The following CC2D2A variants were observed in gnomAD, a reference collection of about 807,000 sequenced individuals.
The protein encoded by CC2D2A is coiled-coil and C2 domain containing 2A.
A neutral mutation model predicts 212.9 loss-of-function variants in CC2D2A; 155 were observed. That is an observed-to-expected ratio of 0.73 (90% confidence interval 0.64 to 0.83). The LOEUF is 0.83. Among genes scored for constraint, CC2D2A ranks in the 40% least tolerant of loss-of-function variants. The probability of loss-of-function intolerance (pLI) is 0.00; values close to 1 mark genes in which losing one functional copy is unlikely to be tolerated. For missense variants in CC2D2A, 1,856 were observed against 1,956.2 expected, an observed-to-expected ratio of 0.95 and a Z score of 0.97; for synonymous variants, 667 against 686.5, an observed-to-expected ratio of 0.97 and a Z score of 0.44.
At position 15,511,524 on chromosome 4, in the gene CC2D2A, C is replaced by T. The variant is rs1058412; in HGVS notation, c.717+101C>T. On this transcript the variant is annotated intron_variant, in intron 8 of 36. Transcript: ENST00000424120. ...AAGTGGCTGAGGAGAAACCTGCCAC[C>T]ACCAGGAGAATGACACTCCACGTCT... is the stretch of plus-strand genomic sequence containing the variant. The T allele has an allele frequency of 0.35, 366,146 of 1,046,946 alleles. 68,656 individuals carry two copies. Among genetic ancestry groups the T allele is most frequent in the Non-Finnish European group, 0.39 (294,441 of 763,980 alleles). The allele number at this position is 1,046,946 out of a possible 1,614,324, so 64.9% of individuals were successfully genotyped here. A position where few individuals can be genotyped will look rare whatever the true frequency, so the allele number is the denominator to read the frequency against.
rs777372044 is a variant in CC2D2A at position 15,595,329 on chromosome 4, C to T, written c.4315-756C>T. Among the ~76,000 whole-genome samples the T allele has an allele frequency of 9.9e-5, 15 of 152,148 alleles. 1 individual carries two copies. Among genetic ancestry groups the T allele is most frequent in the Non-Finnish European group, 2.1e-4 (14 of 68,024 alleles). The stretch of plus-strand genomic sequence containing the variant: ...TAAAGATACAATGGTAAATAAGGCA[C>T]ATAGTGAATGTCCTCAGGACAAAAG... On this transcript the variant is annotated intron_variant, in intron 33 of 36. Transcript: ENST00000424120.
At chr4:15,496,568 A>T (rs899643011) in intron 4 of CC2D2A, among the ~76,000 whole-genome samples, 4 of 152,080 alleles carry the variant, frequency 2.6e-5, no homozygotes. Context: ...AGAAAGTCAA[A>T]CTATCTCTCT....
intron 14 of CC2D2A, among the ~76,000 whole-genome samples, chr4:15,535,338 T>C (rs1232460254): frequency 1.3e-5 from 2 of 151,968 alleles, no homozygotes; most frequent in African/African-American, 4.8e-5. Flanking sequence ...TCCCTGCTGC[T>C]AACTCTCCCT....
In CC2D2A at chr4:15,522,323, G is replaced by A. The variant is rs141466027; in HGVS notation, c.1150-5124G>A. On this transcript the variant is annotated intron_variant, in intron 11 of 36. Coordinates refer to ENST00000424120, the MANE Select transcript of CC2D2A (RefSeq NM_001378615.1). ...ATGAATTTATGCCTCAGAGCGCTTG[G>A]ATCTGATGCTAACTTCACCCGGCAG... is the stretch of plus-strand genomic sequence containing the variant. 7.2e-5 allele frequency among the ~76,000 whole-genome samples: 11 copies of A among 152,282 alleles called. No homozygotes were observed. In the East Asian group the frequency reaches 1.7e-3, roughly 24 times the overall value.
At chr4:15,492,842 C>T (rs772517540) in intron 4 of CC2D2A, 37 of 611,042 alleles carry the variant, frequency 6.1e-5, no homozygotes, top group Middle Eastern at 4.8e-4. Flanking sequence ...CCAGCCCCAG[C>T]ATCGAAGGTG....
In CC2D2A at chr4:15,559,250, T is replaced by A; in HGVS notation, c.2915T>A (p.Leu972His). Reference sequence around the variant, plus strand: ...CATAGGGCCATAGTAGCCAAGTACCTCCAGCAGGTAAGAAAAATCATATAA... The same window carrying A: ...CATAGGGCCATAGTAGCCAAGTACCACCAGCAGGTAAGAAAAATCATATAA... The part of the protein sequence containing the change: ...DTHRAIVAKY[L>H]QQVRESVINR... The change falls in exon 22 of 37, where the codon CTC becomes CAC. Residue 972 changes from leucine (L) to histidine (H), a missense_variant. This residue lies in a region of CC2D2A where 1,512 missense variants were observed against 1,579.3 expected (regional missense o/e 0.96). Coordinates refer to ENST00000424120, the MANE Select transcript of CC2D2A (RefSeq NM_001378615.1). The A allele has an allele frequency of 2.6e-6, 4 of 1,546,294 alleles. No individual in the cohort carries two copies. Among genetic ancestry groups the A allele is most frequent in the Non-Finnish European group, 3.5e-6 (4 of 1,142,090 alleles).
intron 31 of CC2D2A, 128 bp downstream of exon 31, chr4:15,586,374 T>G: frequency 3.8e-6 from 2 of 527,584 alleles, no homozygotes; most frequent in Non-Finnish European, 6.5e-6. Flanking sequence ...TTTAGTAATA[T>G]GAGCTAAATT....
At chr4:15,499,803 G>A (rs1227285718) in intron 4 of CC2D2A, among the ~76,000 whole-genome samples, 1 of 152,068 alleles carries the variant, frequency 6.6e-6, no homozygotes, top group African/African-American at 2.4e-5. Flanking sequence ...TCAGACAGAG[G>A]AAAGCATTGG....
chr4:15,529,119 A>C (rs1319523709), intron 13 of CC2D2A, among the ~76,000 whole-genome samples: 1 of 152,246 alleles, frequency 6.6e-6, no homozygotes, highest in Non-Finnish European at 1.5e-5. Flanking sequence ...ATTCAAGAGT[A>C]AGACAGACTG....
At chr4:15,596,304 C>G in intron 34 of CC2D2A, 97 bp downstream of exon 34, 1 of 1,135,084 alleles carries the variant, frequency 8.8e-7, no homozygotes, top group East Asian at 2.8e-5. Context: ...TAGTCTAGAA[C>G]AGTATTTGTT....
Position 15,601,509 on chromosome 4 carries a change from G to C in CC2D2A, c.*84G>C, listed in dbSNP as rs1384860658. On this transcript the variant is annotated 3_prime_UTR_variant, in exon 37 of 37. Transcript: ENST00000424120. The stretch of plus-strand genomic sequence containing the variant: ...TTAAATTATATGCATCACATCAGAA[G>C]AACATATTATTGGCAAATAATAAAA... 2 of 794,808 alleles carry C rather than the reference G, an allele frequency of 2.5e-6. No homozygotes were observed. The highest frequency in any genetic ancestry group is 1.9e-6 in the Non-Finnish European group (1 of 533,272). The allele number at this position is 794,808 out of a possible 1,614,324, so 49.2% of individuals were successfully genotyped here.
intron 9 of CC2D2A, 84 bp downstream of exon 9, chr4:15,514,953 T>A (rs1240836326): frequency 8.3e-7 from 1 of 1,203,288 alleles, no homozygotes; most frequent in Admixed American, 2.1e-5. Context: ...TAAGGATGCC[T>A]CATCTCCAGA....
At chr4:15,586,722 T>C (rs1720869912) in intron 31 of CC2D2A, among the ~76,000 whole-genome samples, 2 of 152,174 alleles carry the variant, frequency 1.3e-5, no homozygotes, top group Non-Finnish European at 2.9e-5. Context: ...CTCATGGAAT[T>C]TACAATCTAT....
At chr4:15,568,318 G>T (rs2109071332) in intron 26 of CC2D2A, among the ~76,000 whole-genome samples, 1 of 152,344 alleles carries the variant, frequency 6.6e-6, no homozygotes, top group Admixed American at 6.5e-5. Context: ...AAAAGGGAAG[G>T]TGACTTACTT....
intron 2 of CC2D2A, among the ~76,000 whole-genome samples, chr4:15,477,497 G>A (rs946521268): frequency 3.9e-5 from 6 of 152,114 alleles, no homozygotes; most frequent in African/African-American, 9.7e-5. Flanking sequence ...TAGAATAGAG[G>A]ATGAAAACAT....
chr4:15,573,707 G>A (rs917690483), intron 28 of CC2D2A, among the ~76,000 whole-genome samples: 6 of 152,190 alleles, frequency 3.9e-5, no homozygotes, highest in African/African-American at 1.4e-4. Flanking sequence ...TCTAGAAATG[G>A]GGAATGGCCA....
intron 11 of CC2D2A, 122 bp downstream of exon 11, chr4:15,516,878 C>A: frequency 1.1e-6 from 1 of 921,092 alleles, no homozygotes; most frequent in Non-Finnish European, 1.5e-6. Context: ...CACTATCTTA[C>A]ACATAAAGAA....
At chr4:15,577,133 C>A (rs1341189653) in intron 29 of CC2D2A, among the ~76,000 whole-genome samples, 1 of 152,160 alleles carries the variant, frequency 6.6e-6, no homozygotes, top group Non-Finnish European at 1.5e-5. Flanking sequence ...ACTGGGACCA[C>A]AGGCATGTGC....
At position 15,555,450 on chromosome 4, in the gene CC2D2A, T is replaced by C. The variant is rs570923049; in HGVS notation, c.2625+240T>C. ...GAAATGAACAGCTGCAGATAAACTCTTAGCTCGGCCGGGCATGGTGGCTCA... is the reference window on the plus strand; with the variant it reads ...GAAATGAACAGCTGCAGATAAACTCCTAGCTCGGCCGGGCATGGTGGCTCA... On this transcript the variant is annotated intron_variant, in intron 20 of 36. Coordinates refer to ENST00000424120, the MANE Select transcript of CC2D2A (RefSeq NM_001378615.1). Among the ~76,000 whole-genome samples the C allele has an allele frequency of 4.6e-5, 7 of 152,268 alleles. No individual in the cohort carries two copies. In the East Asian group the frequency reaches 1.2e-3, roughly 25 times the overall value.
Sources: gnomAD v4.1 joint callset for allele counts (sites outside exome capture counted in the v4.1 genomes callset) on GRCh38, gnomAD v4.1.1 for gene constraint, gnomAD v4.1.1 regional missense constraint, MANE v1.5 for transcripts, NCBI Gene and HGNC (gene_info 2026-07-23, HGNC 2026-07-21) for gene names.